The following SYN2 variants were observed in gnomAD, a reference collection of about 807,000 sequenced individuals.
SYN2 encodes synapsin II.
SYN2 carries 19 observed loss-of-function variants against 50.9 expected under a neutral mutation model. That is an observed-to-expected ratio of 0.37 (90% CI 0.26 to 0.55). The LOEUF (loss-of-function observed/expected upper bound fraction) is 0.55. Ranked by LOEUF, SYN2 falls within the 20% of genes least tolerant of loss-of-function variation. The pLI, the probability that SYN2 is intolerant of heterozygous loss-of-function variation, is 0.81. For synonymous variants in SYN2, 255 were observed against 224.9 expected (o/e 1.13, Z -1.20); for missense variants, 587 against 576.4 (o/e 1.02, Z -0.19).
chr3:12,041,505 T>A (rs991017259), intron 1 of SYN2, among the ~76,000 whole-genome samples: 8 of 152,210 alleles, frequency 5.3e-5, no homozygotes, highest in Admixed American at 4.6e-4. Flanking sequence ...GAAAAAACCC[T>A]AAGATGTAGA....
chr3:12,189,776 T>A (rs1698412108), intron 12 of SYN2, among the ~76,000 whole-genome samples: 1 of 148,412 alleles, frequency 6.7e-6, no homozygotes, highest in East Asian at 2.0e-4. Flanking sequence ...CACTCCAGCC[T>A]TTGCGACAGA....
chr3:12,007,801 CATTGTA>C (rs1693829499), intron 1 of SYN2, among the ~76,000 whole-genome samples: 2 of 152,324 alleles, frequency 1.3e-5, no homozygotes, highest in African/African-American at 4.8e-5. Flanking sequence ...GAATTTCTGT[CATTGTA>C]ATTGTGGGCA....
chr3:12,169,490 T>C (rs181080607), intron 9 of SYN2, among the ~76,000 whole-genome samples: 2 of 152,324 alleles, frequency 1.3e-5, no homozygotes, highest in Admixed American at 6.5e-5. Context: ...TTTCTACCTC[T>C]TCTGGCTACC....
chr3:12,109,524 G>A (rs560663414), intron 1 of SYN2, among the ~76,000 whole-genome samples: 43 of 152,046 alleles, frequency 2.8e-4, no homozygotes, highest in Non-Finnish European at 5.9e-4. Flanking sequence ...ACATATTTTT[G>A]CTTTAATATA....
chr3:12,155,502 A>G (rs892731520), intron 5 of SYN2, among the ~76,000 whole-genome samples: 8 of 152,134 alleles, frequency 5.3e-5, no homozygotes, highest in Non-Finnish European at 2.9e-5. Context: ...AGGCAGGGAG[A>G]CACAGCCTGG....
At chr3:12,020,076 A>G (rs376570581) in intron 1 of SYN2, among the ~76,000 whole-genome samples, 1 of 152,068 alleles carries the variant, frequency 6.6e-6, no homozygotes, top group Admixed American at 6.5e-5. Flanking sequence ...CTTTCCCTAT[A>G]TGTTTTTGTT....
chr3:12,168,342 C>T (rs1223913769), intron 8 of SYN2, 34 bp from the exon 9 acceptor site: 4 of 1,582,490 alleles, frequency 2.5e-6, no homozygotes, highest in Non-Finnish European at 3.5e-6. Flanking sequence ...GAGCGAATTG[C>T]CCCAGCTTCA....
chr3:12,095,769 A>C (rs1465428346), intron 1 of SYN2, among the ~76,000 whole-genome samples: 1 of 151,094 alleles, frequency 6.6e-6, no homozygotes, highest in Non-Finnish European at 1.5e-5. Context: ...TCAGGGCTCA[A>C]AACAGAGCCC....
chr3:12,026,412 A>AT (rs979774351), intron 1 of SYN2, among the ~76,000 whole-genome samples: 5 of 152,270 alleles, frequency 3.3e-5, no homozygotes, highest in Admixed American at 6.5e-5. Flanking sequence ...CCTTTAAAAA[A>AT]ATATATATAC....
chr3:12,156,925 C>A (rs140467141), intron 5 of SYN2: 8 of 1,613,284 alleles, frequency 5.0e-6, no homozygotes, highest in Non-Finnish European at 6.8e-6. Context: ...TTCTCAAACC[C>A]TTTGAACATC....
chr3:12,129,816 T>G (rs998904560), intron 1 of SYN2, among the ~76,000 whole-genome samples: 9 of 152,036 alleles, frequency 5.9e-5, no homozygotes, highest in African/African-American at 2.2e-4. Flanking sequence ...TCCCCCAAAT[T>G]TATATGTTGA....
Position 12,189,282 on chromosome 3 carries a change from G to A in SYN2, c.1614-1208G>A, listed in dbSNP as rs1380850083. On this transcript the variant is annotated intron_variant, in intron 12 of 12. Transcript: ENST00000621198. ...TGTCCTCTCCTGGAGTACAGGCTGGGCCTCCCCATGGCCTTGTGCTTCATG... is the reference window on the plus strand; with the variant it reads ...TGTCCTCTCCTGGAGTACAGGCTGGACCTCCCCATGGCCTTGTGCTTCATG... Among the ~76,000 whole-genome samples the A allele has an allele frequency of 7.2e-5, 11 of 152,218 alleles. No homozygotes were observed. In the East Asian group the frequency reaches 1.9e-3, roughly 27 times the overall value.
chr3:12,101,168 A>G (rs1049479883), intron 1 of SYN2, among the ~76,000 whole-genome samples: 5 of 152,184 alleles, frequency 3.3e-5, no homozygotes, highest in African/African-American at 1.2e-4. Context: ...ATCCACGCAA[A>G]AACTTGTACG....
rs530216018 is a variant in SYN2, at chr3:12,052,192, A to G, written c.377+47264A>G. 2.6e-5 allele frequency among the ~76,000 whole-genome samples: 4 copies of G among 152,314 alleles called. No homozygotes were observed. The South Asian group carries it at 8.3e-4, about 32-fold the overall frequency. ...TGTGCTAGACTGTATGCTATATATCATTTTAAAAGTCTCACAGTATCTGTA... is the reference window on the plus strand; with the variant it reads ...TGTGCTAGACTGTATGCTATATATCGTTTTAAAAGTCTCACAGTATCTGTA... On this transcript the variant is annotated intron_variant, in intron 1 of 12. Coordinates refer to ENST00000621198, the MANE Select transcript of SYN2 (RefSeq NM_133625.6).
intron 1 of SYN2, among the ~76,000 whole-genome samples, chr3:12,077,682 G>A (rs1695500324): frequency 6.6e-6 from 1 of 152,102 alleles, no homozygotes; most frequent in African/African-American, 2.4e-5. Context: ...AGTATTCCAT[G>A]GTGTATACGT....
At chr3:12,118,998 C>T (rs901601494) in intron 1 of SYN2, among the ~76,000 whole-genome samples, 2 of 151,878 alleles carry the variant, frequency 1.3e-5, no homozygotes, top group Non-Finnish European at 2.9e-5. Flanking sequence ...ACGTGTTTCC[C>T]CTCACATCTC....
rs1346507000 is a variant in SYN2, at chr3:12,191,268, A to G, written c.*643A>G. 13 of 805,790 alleles carry G rather than the reference A, an allele frequency of 1.6e-5. No homozygotes were observed. The highest frequency in any genetic ancestry group is 5.7e-5 in the South Asian group (1 of 17,696). The allele number at this position is 805,790 out of a possible 1,614,324, so 49.9% of individuals were successfully genotyped here. A position where few individuals can be genotyped will look rare whatever the true frequency, so the allele number is the denominator to read the frequency against. On this transcript the variant is annotated 3_prime_UTR_variant, in exon 13 of 13. Transcript: ENST00000621198. Reference sequence around the variant, plus strand: ...CTCTGAAGAGTGGTTCTTATGTGCAATCTGCAGTAACCTTGAACTCCAGAG... The same window carrying G: ...CTCTGAAGAGTGGTTCTTATGTGCAGTCTGCAGTAACCTTGAACTCCAGAG...
intron 1 of SYN2, among the ~76,000 whole-genome samples, chr3:12,108,090 G>A (rs769320182): frequency 7.9e-5 from 12 of 152,096 alleles, no homozygotes; most frequent in Non-Finnish European, 1.5e-4. Context: ...TGTGCCTGTG[G>A]TCCCAGTTAC....
chr3:12,157,074 C>T (rs1697480179), intron 5 of SYN2: 1 of 654,708 alleles, frequency 1.5e-6, no homozygotes, highest in South Asian at 2.0e-5. Context: ...GATGTCCCTA[C>T]TGGGTTATTT....
Sources: gnomAD v4.1 joint callset for allele counts (sites outside exome capture counted in the v4.1 genomes callset) on GRCh38, gnomAD v4.1.1 for gene constraint, MANE v1.5 for transcripts, NCBI Gene and HGNC (gene_info 2026-07-23, HGNC 2026-07-21) for gene names.